BABAM2: variants seen among roughly 807,000 people sequenced by gnomAD.
BABAM2 encodes BRISC and BRCA1-A complex member 2.
A neutral mutation model predicts 54.7 loss-of-function variants in BABAM2; 31 were observed. The ratio of observed to expected loss-of-function variants is 0.57; its 90% CI spans 0.43 to 0.77. The LOEUF is 0.77. Among genes scored for constraint, BABAM2 ranks in the 30% least tolerant of loss-of-function variants. The probability of loss-of-function intolerance (pLI) is 0.00; values close to 1 mark genes in which losing one functional copy is unlikely to be tolerated. For synonymous variants in BABAM2, 167 were observed against 162.9 expected (o/e 1.03, Z -0.19); for missense variants, 364 against 455.8 (o/e 0.80, Z 1.83).
chr2:27,998,295 A>C (rs1673321532), intron 4 of BABAM2, among the ~76,000 whole-genome samples: 1 of 152,004 alleles, frequency 6.6e-6, no homozygotes, highest in Non-Finnish European at 1.5e-5. Context: ...AGCTGGATTT[A>C]AACAAAAAAT....
At chr2:28,152,588 G>C (rs924146263) in intron 7 of BABAM2, among the ~76,000 whole-genome samples, 1 of 152,164 alleles carries the variant, frequency 6.6e-6, no homozygotes. Context: ...GGGCACAGGG[G>C]ATGAACTGGA....
intron 7 of BABAM2, among the ~76,000 whole-genome samples, chr2:28,141,225 TAC>T (rs918949723): frequency 3.3e-5 from 5 of 152,046 alleles, no homozygotes; most frequent in Admixed American, 3.3e-4. Context: ...ATCACACACA[TAC>T]ACACACACAG....
At chr2:28,280,408 A>G (rs1413880900) in intron 10 of BABAM2, among the ~76,000 whole-genome samples, 1 of 152,064 alleles carries the variant, frequency 6.6e-6, no homozygotes, top group African/African-American at 2.4e-5. Context: ...ATTCTTTAAC[A>G]TGCTAAAAGT....
chr2:28,042,917 G>T (rs989733093), intron 5 of BABAM2, among the ~76,000 whole-genome samples: 8 of 151,638 alleles, frequency 5.3e-5, no homozygotes, highest in South Asian at 2.1e-4. Flanking sequence ...CCAGCTACTC[G>T]GGAGGCTGAG....
chr2:28,155,429 A>C (rs1672455950), intron 7 of BABAM2, among the ~76,000 whole-genome samples: 1 of 152,170 alleles, frequency 6.6e-6, no homozygotes, highest in Admixed American at 6.5e-5. Flanking sequence ...ATTGATCGAT[A>C]GAGAGGGGTC....
At chr2:27,949,431 G>A (rs535802285) in intron 3 of BABAM2, among the ~76,000 whole-genome samples, 3 of 152,204 alleles carry the variant, frequency 2.0e-5, no homozygotes, top group Non-Finnish European at 4.4e-5. Flanking sequence ...GTACTTGGGA[G>A]GCCGAGGCAG....
intron 7 of BABAM2, among the ~76,000 whole-genome samples, chr2:28,185,434 A>G (rs1676175272): frequency 6.6e-6 from 1 of 152,184 alleles, no homozygotes; most frequent in Non-Finnish European, 1.5e-5. Flanking sequence ...AGCTTCGTGG[A>G]TGATCCAGAT....
intron 7 of BABAM2, among the ~76,000 whole-genome samples, chr2:28,172,387 G>A (rs532446783): frequency 6.6e-6 from 1 of 152,244 alleles, no homozygotes; most frequent in South Asian, 2.1e-4. Context: ...TGTGTTTCAT[G>A]GCTCCCTACC....
chr2:28,331,329 T>C (rs527602039), intron 11 of BABAM2, among the ~76,000 whole-genome samples: 2 of 152,202 alleles, frequency 1.3e-5, no homozygotes, highest in Admixed American at 6.5e-5. Flanking sequence ...TGGGATCTAA[T>C]TAAACTAAAG....
At chr2:27,924,556 G>A (rs570233487) in intron 2 of BABAM2, among the ~76,000 whole-genome samples, 10 of 152,030 alleles carry the variant, frequency 6.6e-5, no homozygotes, top group African/African-American at 2.4e-4. Flanking sequence ...GCTAATTTTT[G>A]TATTTTTACT....
At chr2:27,905,068 T>A (rs747153807) in intron 2 of BABAM2, among the ~76,000 whole-genome samples, 37 of 152,322 alleles carry the variant, frequency 2.4e-4, no homozygotes, top group Admixed American at 1.9e-3. Flanking sequence ...TTGGCATATA[T>A]GAAAGCAAAC....
intron 11 of BABAM2, among the ~76,000 whole-genome samples, chr2:28,315,434 T>TTCTTG (rs1689458390): frequency 5.8e-5 from 2 of 34,548 alleles, no homozygotes; most frequent in African/African-American, 1.7e-4. Context: ...TTCTTTTCTT[T>TTCTTG]TCTTTTCTTT....
intron 7 of BABAM2, among the ~76,000 whole-genome samples, chr2:28,185,069 G>A (rs921181557): frequency 1.3e-5 from 2 of 152,128 alleles, no homozygotes; most frequent in Admixed American, 1.3e-4. Flanking sequence ...AAACTATGGT[G>A]ACTATAACCC....
At chr2:28,250,598 TGTTTG>T (rs1558472612) in intron 10 of BABAM2, among the ~76,000 whole-genome samples, 1 of 149,634 alleles carries the variant, frequency 6.7e-6, no homozygotes. Context: ...TTTTTTTGTT[TGTTTG>T]TTTGTTTTGT....
At chr2:27,961,899 T>A (rs2012704) in intron 3 of BABAM2, among the ~76,000 whole-genome samples, 65,949 of 150,850 alleles carry the variant, frequency 0.44, 15,266 homozygotes, top group South Asian at 0.65. Context: ...GGCTAATTTT[T>A]AAATTTTTTT....
At chr2:27,892,236 C>T (rs942669899) in intron 1 of BABAM2, 18 of 152,084 alleles carry the variant, frequency 1.2e-4, no homozygotes, top group African/African-American at 4.3e-4. Flanking sequence ...CTTTAGCTTC[C>T]ACTTGTCAAA....
chr2:27,894,771 A>AC, intron 2 of BABAM2, 87 bp downstream of exon 2: 2 of 1,512,964 alleles, frequency 1.3e-6, no homozygotes, highest in East Asian at 4.5e-5. Flanking sequence ...ACTCATAAAA[A>AC]TTGACTGCCA....
chr2:27,934,389 T>A (rs890327665), intron 3 of BABAM2, among the ~76,000 whole-genome samples: 1 of 152,194 alleles, frequency 6.6e-6, no homozygotes, highest in Non-Finnish European at 1.5e-5. Flanking sequence ...AATCAATAAA[T>A]GTGTATGTTC....
upstream of BABAM2, chr2:27,890,400 C>T: frequency 6.5e-7 from 1 of 1,538,410 alleles, no homozygotes; most frequent in Non-Finnish European, 8.8e-7. This position sits in a 1 kb window ranked among gnomAD's most constrained non-coding sequence, Gnocchi z 4.8. Flanking sequence ...TTTGCCCGAC[C>T]CCGTAACCAG....
Sources: gnomAD v4.1 joint callset for allele counts (sites outside exome capture counted in the v4.1 genomes callset) on GRCh38, gnomAD v4.1.1 for gene constraint, Gnocchi (gnomAD v3.1) non-coding constraint, MANE v1.5 for transcripts, NCBI Gene and HGNC (gene_info 2026-07-23, HGNC 2026-07-21) for gene names.